The following ANKHD1 variants were observed in gnomAD, a reference collection of about 807,000 sequenced individuals.
ANKHD1 encodes the protein ankyrin repeat and KH domain containing 1.
Under a neutral mutation model 230.5 loss-of-function variants are expected in ANKHD1, and 31 were observed. The observed-to-expected ratio is 0.13, with a 90% CI of 0.10 to 0.18. ANKHD1 has a LOEUF of 0.18. Among genes scored for constraint, ANKHD1 ranks in the 10% least tolerant of loss-of-function variants. The probability of loss-of-function intolerance (pLI) is 1.00; values close to 1 mark genes in which losing one functional copy is unlikely to be tolerated. For missense variants in ANKHD1, 2,256 were observed against 3,071.3 expected (o/e 0.73, Z 6.27); for synonymous variants, 1,074 against 1,117.6 (o/e 0.96, Z 0.78).
intron 1 of ANKHD1, among the ~76,000 whole-genome samples, chr5:140,431,300 A>G (rs570466823): frequency 5.9e-5 from 9 of 152,272 alleles, no homozygotes; most frequent in African/African-American, 9.6e-5. Context: ...AAATTTTATC[A>G]TATGGGTCAG....
chr5:140,429,363 A>AT (rs1348156911), intron 1 of ANKHD1, among the ~76,000 whole-genome samples: 4 of 152,098 alleles, frequency 2.6e-5, no homozygotes, highest in Non-Finnish European at 5.9e-5. Context: ...AAGTGCTGGG[A>AT]TTACAGGTGT....
chr5:140,466,704 G>A (rs1348702891), intron 10 of ANKHD1, among the ~76,000 whole-genome samples: 2 of 152,158 alleles, frequency 1.3e-5, no homozygotes, highest in African/African-American at 2.4e-5. Context: ...CCAGCACTTT[G>A]GGAGACCGAG....
intron 1 of ANKHD1, among the ~76,000 whole-genome samples, chr5:140,424,237 GAGAGAC>G (rs1158070513): frequency 3.3e-5 from 5 of 151,286 alleles, no homozygotes; most frequent in Non-Finnish European, 5.9e-5. Flanking sequence ...GAGAGAGAGA[GAGAGAC>G]AGAGACAGAG....
chr5:140,427,469 G>A (rs1772577896), intron 1 of ANKHD1, among the ~76,000 whole-genome samples: 1 of 131,514 alleles, frequency 7.6e-6, no homozygotes, highest in Non-Finnish European at 1.6e-5. Context: ...CCGGGCAGAG[G>A]GGCTCCTCAC....
rs144965304 is a variant in ANKHD1 at position 140,496,713 on chromosome 5, C to A, written c.2439C>A (p.Asn813Lys). Residue 813 changes from asparagine to lysine, a missense_variant, in exon 15 of 34, where the codon AAC (asparagine) becomes AAA (lysine). Transcript: ENST00000360839. ...AGTTAATTCAAGGTGAACCTCTGAACAAAGATAAGATAGAAGAACTTAAAA... is the reference window on the plus strand; with the variant it reads ...AGTTAATTCAAGGTGAACCTCTGAAAAAAGATAAGATAGAAGAACTTAAAA... Reference protein sequence around the residue: ...SLELIQGEPLNKDKIEELKKN... With the variant: ...SLELIQGEPLKKDKIEELKKN... 4 of 1,613,384 alleles carry A rather than the reference C, an allele frequency of 2.5e-6. No individual in the cohort carries two copies. The highest frequency in any genetic ancestry group is 2.7e-5 in the African/African-American group (2 of 74,682).
chr5:140,482,410 C>T (rs573772010), intron 10 of ANKHD1, among the ~76,000 whole-genome samples, 170 bp from the exon 11 acceptor site: 1 of 152,254 alleles, frequency 6.6e-6, no homozygotes, highest in African/African-American at 2.4e-5. Context: ...ACATTATCTA[C>T]TTTGGACTGA....
intron 1 of ANKHD1, among the ~76,000 whole-genome samples, chr5:140,422,432 G>A (rs1340238996): frequency 6.6e-6 from 1 of 151,988 alleles, no homozygotes; most frequent in Non-Finnish European, 1.5e-5. Flanking sequence ...GCCTAGAGTG[G>A]ATTTATTTAT....
In ANKHD1 at chr5:140,496,887, A is replaced by G; in HGVS notation, c.2613A>G (p.Gln871=). 6.2e-7 allele frequency: 1 copy of G among 1,614,230 alleles called. No individual in the cohort carries two copies. Among genetic ancestry groups the G allele is most frequent in the Non-Finnish European group, 8.5e-7 (1 of 1,180,046 alleles). The stretch of plus-strand genomic sequence containing the variant: ...AGAAAGACACAGTGTCTCTACACCA[A>G]CAGTGCTCTCATAGAGGAGTCTTCC... The part of the protein sequence containing the change: ...KGQKDTVSLH[Q]QCSHRGVFPE... The change falls in exon 15 of 34, where the codon CAA becomes CAG. Residue 871 remains glutamine, a synonymous_variant. Transcript: ENST00000360839.
intron 10 of ANKHD1, among the ~76,000 whole-genome samples, chr5:140,470,863 G>A (rs1362210403): frequency 1.3e-5 from 2 of 152,016 alleles, no homozygotes; most frequent in African/African-American, 2.4e-5. Flanking sequence ...CTGGGCTCAA[G>A]CGATCTACCC....
intron 14 of ANKHD1, 133 bp downstream of exon 14, chr5:140,487,193 A>G (rs1751548840): frequency 9.9e-7 from 1 of 1,008,520 alleles, no homozygotes; most frequent in South Asian, 2.7e-5. Context: ...ACAAATGCAA[A>G]TAGTCTTACT....
chr5:140,512,860 G>T lies in ANKHD1; in HGVS notation c.4137G>T (p.Lys1379Asn). ...GHVKVVQYLV[K>N]EVNQFPSDIE... ...TAAAAGTTGTTCAATATTTGGTAAAGGAAGTAAATCAGTTCCCTTCTGATA... is the reference window on the plus strand; with the variant it reads ...TAAAAGTTGTTCAATATTTGGTAAATGAAGTAAATCAGTTCCCTTCTGATA... Residue 1379 changes from lysine (K) to asparagine (N), a missense_variant, in exon 23 of 34, where the codon AAG (lysine) becomes AAT (asparagine). Around this residue, in one of 13 missense-constraint regions of ANKHD1, gnomAD observed 195 missense variants for 340.3 expected, o/e 0.57. Transcript: ENST00000360839. 6.2e-7 allele frequency: 1 copy of T among 1,601,966 alleles called. No individual in the cohort carries two copies. Among genetic ancestry groups the T allele is most frequent in the Non-Finnish European group, 8.5e-7 (1 of 1,175,960 alleles).
At chr5:140,402,344 G>A in intron 1 of ANKHD1, 71 bp downstream of exon 1, 1 of 1,381,932 alleles carries the variant, frequency 7.2e-7, no homozygotes, top group South Asian at 1.6e-5. Flanking sequence ...CTCTGGGCCG[G>A]GGCCATCCTC....
chr5:140,409,765 G>T (rs1306402367), intron 1 of ANKHD1, among the ~76,000 whole-genome samples: 3 of 151,934 alleles, frequency 2.0e-5, no homozygotes, highest in Non-Finnish European at 2.9e-5. Flanking sequence ...TGTTACCCAG[G>T]ATGGTCTCGG....
chr5:140,408,590 C>T (rs371750203), intron 1 of ANKHD1, among the ~76,000 whole-genome samples: 3 of 152,270 alleles, frequency 2.0e-5, no homozygotes, highest in East Asian at 1.9e-4. Context: ...AAAAGTCATA[C>T]AGAAATCCCA....
At chr5:140,450,546 C>T (rs928623577) in intron 7 of ANKHD1, among the ~76,000 whole-genome samples, 1 of 151,704 alleles carries the variant, frequency 6.6e-6, no homozygotes. Flanking sequence ...CTCTCTCTCT[C>T]TCTTTATTTT....
chr5:140,445,623 A>G, intron 5 of ANKHD1, 119 bp from the exon 6 acceptor site: 2 of 991,150 alleles, frequency 2.0e-6, no homozygotes. Context: ...GAGCATTAGC[A>G]TAATCATAAT....
At chr5:140,406,625 A>T (rs940513861) in intron 1 of ANKHD1, among the ~76,000 whole-genome samples, 11 of 151,432 alleles carry the variant, frequency 7.3e-5, no homozygotes, top group Admixed American at 7.2e-4. Context: ...GCTCACTGCA[A>T]CCTCTGCTTC....
intron 24 of ANKHD1, 94 bp from the exon 25 acceptor site, chr5:140,523,972 C>T: frequency 5.7e-6 from 8 of 1,413,032 alleles, no homozygotes; most frequent in Non-Finnish European, 7.5e-6. Flanking sequence ...GAGTAACATC[C>T]ATGGAAATCC....
At chr5:140,491,365 A>C (rs1751799463) in intron 14 of ANKHD1, among the ~76,000 whole-genome samples, 4 of 151,136 alleles carry the variant, frequency 2.6e-5, no homozygotes, top group Admixed American at 2.6e-4. Flanking sequence ...GGGTTTTGCC[A>C]TGTTGCCCAG....
Sources: allele counts gnomAD v4.1 joint callset (sites outside exome capture counted in the v4.1 genomes callset), GRCh38; gene constraint gnomAD v4.1.1; regional missense constraint gnomAD v4.1.1; transcripts MANE v1.5; gene names NCBI Gene and HGNC (gene_info 2026-07-23, HGNC 2026-07-21).